Variants in SAMD4A observed in about 807,000 individuals in gnomAD.
SAMD4A encodes the protein sterile alpha motif domain containing 4A, also known as protein Smaug homolog 1.
In SAMD4A, 33 loss-of-function variants were observed where a neutral mutation model predicts 81.3. The observed-to-expected ratio is 0.41, with a 90% CI of 0.31 to 0.54. The LOEUF (loss-of-function observed/expected upper bound fraction) is 0.54, where lower values mean the gene tolerates loss of function less well. Ranked by LOEUF, SAMD4A falls within the 20% of genes least tolerant of loss-of-function variation. SAMD4A has a pLI of 0.37. For missense variants in SAMD4A, 854 were observed against 951.1 expected, an observed-to-expected ratio of 0.90 and a Z score of 1.34; for synonymous variants, 389 against 382.1, an observed-to-expected ratio of 1.02 and a Z score of -0.21.
chr14:54,754,702 T>A, intron 6 of SAMD4A: 3 of 306,120 alleles, frequency 9.8e-6, no homozygotes, highest in Non-Finnish European at 1.5e-5. Flanking sequence ...GGAAAAAAAG[T>A]CATCTGCCCT....
chr14:54,744,492 G>A (rs1158182377), intron 4 of SAMD4A, among the ~76,000 whole-genome samples: 1 of 152,144 alleles, frequency 6.6e-6, no homozygotes, highest in Non-Finnish European at 1.5e-5. Context: ...AGACCAGCAG[G>A]CAAATATAGA....
At chr14:54,575,842 C>T (rs1198539687) in intron 2 of SAMD4A, among the ~76,000 whole-genome samples, 2 of 152,046 alleles carry the variant, frequency 1.3e-5, no homozygotes, top group African/African-American at 2.4e-5. Flanking sequence ...ATTCTCTCAC[C>T]GGCTCTTTGA....
At chr14:54,648,728 A>G (rs987423978) in intron 2 of SAMD4A, among the ~76,000 whole-genome samples, 4 of 152,086 alleles carry the variant, frequency 2.6e-5, no homozygotes, top group African/African-American at 9.7e-5. Context: ...GTCGTGTAAA[A>G]CTTTGGGTTA....
At chr14:54,677,331 T>TGAATATTCATAAATTTAAAACA (rs2036014317) in intron 2 of SAMD4A, among the ~76,000 whole-genome samples, 1 of 152,240 alleles carries the variant, frequency 6.6e-6, no homozygotes, top group South Asian at 2.1e-4. Context: ...ATGAATTTTA[T>TGAATATTCATAAATTTAAAACA]GAATATTTCT....
chr14:54,707,138 A>G (rs533531941), intron 3 of SAMD4A, among the ~76,000 whole-genome samples: 8 of 126,190 alleles, frequency 6.3e-5, no homozygotes, highest in Admixed American at 4.6e-4. Flanking sequence ...GGCTCTTGCT[A>G]TGTTGCCCAG....
intron 11 of SAMD4A, 98 bp downstream of exon 11, chr14:54,776,638 C>T: frequency 4.6e-6 from 6 of 1,306,256 alleles, no homozygotes; most frequent in East Asian, 5.6e-5. Flanking sequence ...CGACTGTCAC[C>T]GTGCATTCTT....
At position 54,788,992 on chromosome 14, in the gene SAMD4A, G is replaced by A. The variant is rs556191025; in HGVS notation, c.*48G>A. 1.5e-4 allele frequency: 235 copies of A among 1,600,640 alleles called. 1 individual carries two copies. Among genetic ancestry groups the A allele is most frequent in the East Asian group, 7.6e-4 (34 of 44,804 alleles). ...CGCTGGCCGTGAAATCGACTGCTGC[G>A]GGTCCAGTGTCCGCCATCTTCAGGG... On this transcript the variant is annotated 3_prime_UTR_variant, in exon 13 of 13. Coordinates refer to ENST00000554335, the MANE Select transcript of SAMD4A (RefSeq NM_015589.6).
chr14:54,681,990 T>G, intron 2 of SAMD4A: 1 of 985,346 alleles, frequency 1.0e-6, no homozygotes, highest in Non-Finnish European at 1.2e-6. Flanking sequence ...TGTCATAACA[T>G]GCAGTACCTG....
chr14:54,607,613 G>A (rs559436319), intron 2 of SAMD4A, among the ~76,000 whole-genome samples: 4 of 151,622 alleles, frequency 2.6e-5, no homozygotes, highest in African/African-American at 9.7e-5. Context: ...CCGCCACCAT[G>A]CCCGGCTAAT....
At chr14:54,757,343 A>C (rs1340249714) in intron 6 of SAMD4A, among the ~76,000 whole-genome samples, 3 of 148,230 alleles carry the variant, frequency 2.0e-5, no homozygotes, top group Non-Finnish European at 4.5e-5. Flanking sequence ...ATTTTATAGA[A>C]AGTGTCCAAC....
At position 54,707,862 on chromosome 14, in the gene SAMD4A, G is replaced by A. The variant is rs567835188; in HGVS notation, c.715+5282G>A. 3.3e-4 allele frequency among the ~76,000 whole-genome samples: 50 copies of A among 152,306 alleles called. 1 individual carries two copies. The South Asian group carries it at 8.3e-3, about 25-fold the overall frequency. ...GAAGGCAGACTTGCTAGGGGAAAAA[G>A]CAAGAAGGCTGGTGTCTGAAAGGGA... On this transcript the variant is annotated intron_variant, in intron 3 of 12. Transcript: ENST00000554335.
At chr14:54,644,739 A>G (rs1403921079) in intron 2 of SAMD4A, among the ~76,000 whole-genome samples, 2 of 152,208 alleles carry the variant, frequency 1.3e-5, no homozygotes, top group Non-Finnish European at 2.9e-5. Context: ...CAGATCTTAA[A>G]CACATGAGTG....
chr14:54,683,249 C>A (rs1327282915), intron 2 of SAMD4A, among the ~76,000 whole-genome samples: 1 of 152,208 alleles, frequency 6.6e-6, no homozygotes, highest in Non-Finnish European at 1.5e-5. Flanking sequence ...CAGGTGCGAG[C>A]CTTTGTGAGG....
intron 2 of SAMD4A, among the ~76,000 whole-genome samples, chr14:54,586,410 G>C (rs1475584472): frequency 6.6e-6 from 1 of 152,134 alleles, no homozygotes; most frequent in African/African-American, 2.4e-5. Flanking sequence ...TTCTTTTGCT[G>C]TGCAGAAGCT....
intron 2 of SAMD4A, among the ~76,000 whole-genome samples, chr14:54,619,447 A>T (rs1253939942): frequency 6.6e-6 from 1 of 152,190 alleles, no homozygotes; most frequent in African/African-American, 2.4e-5. Context: ...ATATTCTTAG[A>T]GGGAATGACT....
chr14:54,775,224 A>G, intron 10 of SAMD4A, 89 bp downstream of exon 10: 3 of 1,429,968 alleles, frequency 2.1e-6, no homozygotes, highest in Non-Finnish European at 2.9e-6. Context: ...GGGTGGGGAG[A>G]GAGGCCAAAG....
intron 3 of SAMD4A, among the ~76,000 whole-genome samples, chr14:54,736,082 C>T (rs151284574): frequency 0.016 from 2,406 of 152,296 alleles, 32 homozygotes; most frequent in Middle Eastern, 0.099. Context: ...ACTTTACACA[C>T]CAGAAAAACC....
intron 2 of SAMD4A, among the ~76,000 whole-genome samples, chr14:54,578,579 G>A (rs1255981935): frequency 6.6e-6 from 1 of 152,080 alleles, no homozygotes; most frequent in Non-Finnish European, 1.5e-5. Context: ...GGGCGTGGTT[G>A]TGTGTGCCTG....
chr14:54,734,675 T>G (rs2037647226), intron 3 of SAMD4A, among the ~76,000 whole-genome samples: 1 of 152,180 alleles, frequency 6.6e-6, no homozygotes, highest in Non-Finnish European at 1.5e-5. Context: ...CAAGGATGCC[T>G]CTCAGTGGAG....
Sources: allele counts gnomAD v4.1 joint callset (sites outside exome capture counted in the v4.1 genomes callset), GRCh38; gene constraint gnomAD v4.1.1; transcripts MANE v1.5; gene names NCBI Gene and HGNC (gene_info 2026-07-23, HGNC 2026-07-21).